Variants in AIFM3 observed in about 807,000 individuals in gnomAD.
AIFM3 encodes apoptosis-inducing factor 3.
In AIFM3, 71 loss-of-function variants were observed where a neutral mutation model predicts 82.7. The ratio of observed to expected loss-of-function variants is 0.86; its 90% confidence interval spans 0.71 to 1.05. AIFM3 has a LOEUF of 1.05. Ranked by LOEUF, AIFM3 falls within the 50% of genes least tolerant of loss-of-function variation. The probability of loss-of-function intolerance (pLI) is 0.00; values close to 1 mark genes in which losing one functional copy is unlikely to be tolerated. For synonymous variants in AIFM3, 337 were observed against 329.1 expected (o/e 1.02, Z -0.26); for missense variants, 748 against 816.7 (o/e 0.92, Z 1.03).
chr22:20,975,636 G>A (rs746774167), intron 8 of AIFM3, 56 bp from the exon 9 acceptor site: 4 of 1,575,052 alleles, frequency 2.5e-6, no homozygotes, highest in Non-Finnish European at 3.5e-6. Context: ...ACCTTCCCTG[G>A]GCCCCAGTGT....
At chr22:20,971,973 G>GA (rs1923294892) in intron 2 of AIFM3, among the ~76,000 whole-genome samples, 1 of 152,242 alleles carries the variant, frequency 6.6e-6, no homozygotes, top group South Asian at 2.1e-4. Context: ...CTGTGGGGGG[G>GA]GGGGGCTGTG....
intron 1 of AIFM3, 145 bp from the exon 2 acceptor site, chr22:20,967,660 G>A: frequency 3.7e-6 from 2 of 537,558 alleles, no homozygotes; most frequent in South Asian, 2.4e-5. Flanking sequence ...GACCTCCAGG[G>A]CCCCACGCTC....
intron 2 of AIFM3, among the ~76,000 whole-genome samples, chr22:20,972,871 C>G (rs372494287): frequency 6.6e-6 from 1 of 152,050 alleles, no homozygotes; most frequent in East Asian, 1.9e-4. Flanking sequence ...ATGGCAAAAC[C>G]CTGTCTCTAC....
In AIFM3 at chr22:20,980,976, C is replaced by A; in HGVS notation, c.1779-16C>A. ...GTTTTCTTCTGTCTTGACCCCTCCT[C>A]CCCTCACTCCTGCAGGACTGGCGAC... is the stretch of plus-strand genomic sequence containing the variant. On this transcript the variant is annotated splice_polypyrimidine_tract_variant and intron_variant, in intron 20 of 20. Coordinates refer to ENST00000440238, the MANE Select transcript of AIFM3 (RefSeq NM_001386814.1). 2 of 1,614,190 alleles carry A rather than the reference C, an allele frequency of 1.2e-6. No homozygotes were observed. The highest frequency in any genetic ancestry group is 1.7e-6 in the Non-Finnish European group (2 of 1,180,010).
Position 20,976,252 on chromosome 22 carries a change from T to C in AIFM3, c.845T>C (p.Phe282Ser). Residue 282 changes from phenylalanine to serine, a missense_variant, in exon 10 of 21, where the codon TTC becomes TCC. Coordinates refer to ENST00000440238, the MANE Select transcript of AIFM3 (RefSeq NM_001386814.1). ...GACGTGAGAACTAAGAAGGTCGTGTTCAAGGATGGCTTCAAGCTGGAGTAC... is the reference window on the plus strand; with the variant it reads ...GACGTGAGAACTAAGAAGGTCGTGTCCAAGGATGGCTTCAAGCTGGAGTAC... ...TVDVRTKKVV[F>S]KDGFKLEYSK... 1 of 1,614,000 alleles carries C rather than the reference T, an allele frequency of 6.2e-7. No individual in the cohort carries two copies. Among genetic ancestry groups the C allele is most frequent in the Non-Finnish European group, 8.5e-7 (1 of 1,179,988 alleles).
chr22:20,977,213 A>G (rs1452428758), intron 14 of AIFM3, 118 bp downstream of exon 14: 1 of 1,404,296 alleles, frequency 7.1e-7, no homozygotes, highest in Non-Finnish European at 9.7e-7. Context: ...ACATCTGTCA[A>G]ATGGGAACCC....
chr22:20,970,192 C>G lies in AIFM3; in HGVS notation c.31+2217C>G, dbSNP rs1050192402. On this transcript the variant is annotated intron_variant, in intron 2 of 20. Coordinates refer to ENST00000440238, the MANE Select transcript of AIFM3 (RefSeq NM_001386814.1). ...GAGCTAACTGGTAAAACACTGCTGCCCAACTCCATCTATTGAGCTTCTACT... is the reference window on the plus strand; with the variant it reads ...GAGCTAACTGGTAAAACACTGCTGCGCAACTCCATCTATTGAGCTTCTACT... 3.3e-5 allele frequency among the ~76,000 whole-genome samples: 5 copies of G among 152,218 alleles called. No homozygotes were observed. The East Asian group carries it at 9.6e-4, about 29-fold the overall frequency.
At position 20,973,374 on chromosome 22, in the gene AIFM3, G is replaced by A. The variant is rs1422570185; in HGVS notation, c.99G>A (p.Gly33=). The A allele has an allele frequency of 1.2e-6, 2 of 1,610,472 alleles. No homozygotes were observed. The highest frequency in any genetic ancestry group is 4.5e-5 in the East Asian group (2 of 44,756). ...GCAAGGAGGAGCTGTCGGCCAGTGG[G>A]AAGGGCAGCCCCCGGGCCTACCAGG... ...ERGKEELSAS[G]KGSPRAYQGN... The change falls in exon 3 of 21, where the codon GGG becomes GGA. Residue 33 remains glycine, a synonymous_variant. Coordinates refer to ENST00000440238, the MANE Select transcript of AIFM3 (RefSeq NM_001386814.1).
At position 20,981,152 on chromosome 22, in the gene AIFM3, G is replaced by T. The variant is rs1007767789; in HGVS notation, c.*121G>T. On this transcript the variant is annotated 3_prime_UTR_variant, in exon 21 of 21. Coordinates refer to ENST00000440238, the MANE Select transcript of AIFM3 (RefSeq NM_001386814.1). ...AGGGCAGAACCTGAGCCCTCCCAGT[G>T]CTTGCCTTCAGCCACCTGGCTCCCC... The T allele has an allele frequency of 2.1e-5, 30 of 1,422,772 alleles. No individual in the cohort carries two copies. The highest frequency in any genetic ancestry group is 2.1e-5 in the Non-Finnish European group (22 of 1,038,462). The allele number at this position is 1,422,772 out of a possible 1,614,324, so 88.1% of individuals were successfully genotyped here.
At chr22:20,973,976 G>T in intron 4 of AIFM3, 87 bp from the exon 5 acceptor site, 1 of 1,497,626 alleles carries the variant, frequency 6.7e-7, no homozygotes, top group Non-Finnish European at 9.0e-7. Context: ...CCTGGGCTGT[G>T]GGGAGGGGCC....
At chr22:20,978,980 T>A (rs906498636) in intron 16 of AIFM3, among the ~76,000 whole-genome samples, 1 of 152,086 alleles carries the variant, frequency 6.6e-6, no homozygotes, top group Non-Finnish European at 1.5e-5. Context: ...TGTGCACAGC[T>A]GAAATGGTGG....
At chr22:20,971,348 G>A (rs1923251516) in intron 2 of AIFM3, among the ~76,000 whole-genome samples, 1 of 152,220 alleles carries the variant, frequency 6.6e-6, no homozygotes, top group Non-Finnish European at 1.5e-5. Context: ...CCTCCCTGCT[G>A]GGCTGGGGTC....
Position 20,974,563 on chromosome 22 carries a change from G to C in AIFM3, c.549G>C (p.Lys183Asn). Residue 183 changes from lysine to asparagine, a missense_variant, in exon 7 of 21, where the codon AAG becomes AAC. By Grantham distance (94) the Lys-to-Asn change is moderately conservative (BLOSUM62 0). Coordinates refer to ENST00000440238, the MANE Select transcript of AIFM3 (RefSeq NM_001386814.1). ...AGCGAAGGACCAAGGTGATGGCCAAGTGTATCTCTCCAAGTGCTGGGTACA... is the reference window on the plus strand; with the variant it reads ...AGCGAAGGACCAAGGTGATGGCCAACTGTATCTCTCCAAGTGCTGGGTACA... Reference protein sequence around the residue: ...QLQRRTKVMAKCISPSAGYSS... With the variant: ...QLQRRTKVMANCISPSAGYSS... 2 of 1,613,814 alleles carry C rather than the reference G, an allele frequency of 1.2e-6. No homozygotes were observed. The highest frequency in any genetic ancestry group is 8.5e-7 in the Non-Finnish European group (1 of 1,179,906).
chr22:20,977,718 G>T lies in AIFM3; in HGVS notation c.1301G>T (p.Gly434Val). ...VVGIGAVPAT[G>V]FLRQSGIGLD... ...CTGTCAGGTGCAGTGCCCGCCACAG[G>T]CTTCCTGAGGCAAAGCGGCATCGGT... The change falls in exon 15 of 21, where the codon GGC (glycine) becomes GTC (valine). Residue 434 changes from glycine (G) to valine (V), a missense_variant. Transcript: ENST00000440238. The T allele has an allele frequency of 1.2e-6, 2 of 1,614,182 alleles. No homozygotes were observed. Among genetic ancestry groups the T allele is most frequent in the Non-Finnish European group, 1.7e-6 (2 of 1,180,034 alleles).
intron 2 of AIFM3, 32 bp downstream of exon 2, chr22:20,968,007 TC>T: frequency 6.2e-7 from 1 of 1,606,394 alleles, no homozygotes. Context: ...CCATCCTTTC[TC>T]CTCCCTCCCC....
At chr22:20,979,534 G>A (rs906922763) in intron 17 of AIFM3, 93 bp from the exon 18 acceptor site, 20 of 1,523,210 alleles carry the variant, frequency 1.3e-5, no homozygotes, top group Admixed American at 3.4e-5. Flanking sequence ...AGGACGTATG[G>A]AGCAGGGCCT....
chr22:20,972,422 G>A (rs1048113201), intron 2 of AIFM3, among the ~76,000 whole-genome samples: 4 of 149,474 alleles, frequency 2.7e-5, no homozygotes, highest in Admixed American at 1.3e-4. Flanking sequence ...AAAAAAAGAA[G>A]AAGTTGAAAT....
intron 2 of AIFM3, among the ~76,000 whole-genome samples, chr22:20,972,736 C>T (rs970964993): frequency 1.3e-5 from 2 of 152,138 alleles, no homozygotes. Context: ...CTGTGTCCCC[C>T]TCACTAACAC....
rs538782836 is a variant in AIFM3 at position 20,974,075 on chromosome 22, G to T, written c.368G>T (p.Arg123Leu). 1 of 1,609,558 alleles carries T rather than the reference G, an allele frequency of 6.2e-7. No homozygotes were observed. The highest frequency in any genetic ancestry group is 1.1e-5 in the South Asian group (1 of 90,366). Residue 123 changes from arginine (R) to leucine (L), a missense_variant, in exon 5 of 21, where the codon CGT becomes CTT. Transcript: ENST00000440238. ...CTCCCCTTCCCAGGCGTTCTGTCCCGTGGTCGGGTGCGCTGCCCCTGGCAC... is the reference window on the plus strand; with the variant it reads ...CTCCCCTTCCCAGGCGTTCTGTCCCTTGGTCGGGTGCGCTGCCCCTGGCAC... ...GAPLVKGVLS[R>L]GRVRCPWHGA... is the part of the protein sequence containing the mutation.
Sources: allele counts gnomAD v4.1 joint callset (sites outside exome capture counted in the v4.1 genomes callset), GRCh38; gene constraint gnomAD v4.1.1; transcripts MANE v1.5; gene names NCBI Gene and HGNC (gene_info 2026-07-23, HGNC 2026-07-21).